IMMP2L: variants seen among roughly 807,000 people sequenced by gnomAD.
The protein encoded by IMMP2L is mitochondrial inner membrane protease subunit 2.
Under a neutral mutation model 19.3 loss-of-function variants are expected in IMMP2L, and 18 were observed. The observed-to-expected ratio is 0.93, with a 90% CI of 0.64 to 1.38. The LOEUF is 1.38. Among genes scored for constraint, IMMP2L ranks in the 40% most tolerant of loss-of-function variants. The pLI, the probability that IMMP2L is intolerant of heterozygous loss-of-function variation, is 0.00. For missense variants in IMMP2L, 233 were observed against 218.2 expected, an observed-to-expected ratio of 1.07 and a Z score of -0.43; for synonymous variants, 76 against 73.0, an observed-to-expected ratio of 1.04 and a Z score of -0.21.
In IMMP2L at chr7:111,213,579, G is replaced by A. The variant is rs1811568028; in HGVS notation, c.240-250014C>T. 6.6e-6 allele frequency among the ~76,000 whole-genome samples: 1 copy of A among 152,124 alleles called. No homozygotes were observed. Among genetic ancestry groups the A allele is most frequent in the African/African-American group, 2.4e-5 (1 of 41,406 alleles). ...CCAGCCCTGCCTATGGCCACCCTTG[G>A]ACAAACTGGTGCACACTTCCTCCCC... On this transcript the variant is annotated intron_variant, in intron 3 of 5. Transcript: ENST00000405709. This position sits in a 1 kb window ranked among gnomAD's most constrained non-coding sequence, Gnocchi z 4.8.
chr7:110,985,063 A>T (rs1821719526), intron 3 of IMMP2L, among the ~76,000 whole-genome samples: 1 of 152,112 alleles, frequency 6.6e-6, no homozygotes, highest in Non-Finnish European at 1.5e-5. Context: ...TTTGTTGCCA[A>T]CTTTGAAGAT....
At chr7:111,207,305 C>T (rs1341693791) in intron 3 of IMMP2L, among the ~76,000 whole-genome samples, 1 of 152,120 alleles carries the variant, frequency 6.6e-6, no homozygotes, top group Non-Finnish European at 1.5e-5. Flanking sequence ...TAACCTATTT[C>T]ATGGGGTCAT....
chr7:111,523,790 G>A (rs1230823469), intron 1 of IMMP2L, among the ~76,000 whole-genome samples: 1 of 151,954 alleles, frequency 6.6e-6, no homozygotes, highest in African/African-American at 2.4e-5. Flanking sequence ...AAACGTGTTT[G>A]GCCCAAGGTA....
intron 2 of IMMP2L, among the ~76,000 whole-genome samples, chr7:111,504,829 G>C (rs1844704394): frequency 6.6e-6 from 1 of 151,972 alleles, no homozygotes; most frequent in African/African-American, 2.4e-5. Context: ...ATTCAAGATG[G>C]ATTAAAGACT....
chr7:111,091,539 T>G (rs1457716535), intron 3 of IMMP2L: 8 of 152,180 alleles, frequency 5.3e-5, no homozygotes, highest in Admixed American at 6.5e-5. Flanking sequence ...TTAAAATACG[T>G]TCTATTTCTT....
chr7:111,034,204 C>T (rs1249237316), intron 3 of IMMP2L, among the ~76,000 whole-genome samples: 1 of 152,062 alleles, frequency 6.6e-6, no homozygotes, highest in East Asian at 1.9e-4. Context: ...GTATTCAATT[C>T]TTCCTTGACA....
intron 5 of IMMP2L, among the ~76,000 whole-genome samples, chr7:110,722,506 T>C (rs1349334485): frequency 4.6e-5 from 7 of 152,022 alleles, no homozygotes; most frequent in Non-Finnish European, 8.8e-5. Context: ...CTAGCTAATA[T>C]TACTATGAAT....
chr7:111,557,058 A>T (rs1791449039), intron 1 of IMMP2L, among the ~76,000 whole-genome samples: 1 of 152,088 alleles, frequency 6.6e-6, no homozygotes, highest in Non-Finnish European at 1.5e-5. Flanking sequence ...TATCTTTTAC[A>T]TTCAAACAGT....
intron 5 of IMMP2L, among the ~76,000 whole-genome samples, chr7:110,777,644 T>C (rs1336739984): frequency 1.3e-5 from 2 of 152,014 alleles, no homozygotes; most frequent in Non-Finnish European, 2.9e-5. Flanking sequence ...TCTATAAATA[T>C]GTTTGGCAGA....
At chr7:110,742,579 T>C (rs947580068) in intron 5 of IMMP2L, among the ~76,000 whole-genome samples, 1 of 151,966 alleles carries the variant, frequency 6.6e-6, no homozygotes, top group African/African-American at 2.4e-5. Flanking sequence ...CCATTCTGGC[T>C]AACACGCTGA....
intron 3 of IMMP2L, among the ~76,000 whole-genome samples, chr7:111,298,736 G>T (rs886138876): frequency 1.4e-5 from 2 of 147,942 alleles, no homozygotes; most frequent in African/African-American, 2.5e-5. Context: ...AGCAGCCTGG[G>T]TGACAGAGCG....
chr7:110,815,405 A>G (rs1384757198), intron 5 of IMMP2L, among the ~76,000 whole-genome samples: 1 of 152,046 alleles, frequency 6.6e-6, no homozygotes, highest in East Asian at 1.9e-4. Context: ...AATGTTCATC[A>G]AGGATATTGG....
intron 3 of IMMP2L, among the ~76,000 whole-genome samples, chr7:111,055,757 G>C (rs1335496677): frequency 6.6e-6 from 1 of 152,178 alleles, no homozygotes; most frequent in Non-Finnish European, 1.5e-5. Context: ...AGGAAATTCA[G>C]GAGAAGGAGC....
chr7:111,019,648 G>A (rs919103523), intron 3 of IMMP2L, among the ~76,000 whole-genome samples: 3 of 152,130 alleles, frequency 2.0e-5, no homozygotes, highest in African/African-American at 7.2e-5. Flanking sequence ...AGGTTGAAAA[G>A]GAACACAAAA....
At chr7:110,772,029 T>C (rs2131026953) in intron 5 of IMMP2L, among the ~76,000 whole-genome samples, 1 of 152,218 alleles carries the variant, frequency 6.6e-6, no homozygotes, top group African/African-American at 2.4e-5. Context: ...GAGGTCTAAC[T>C]CAAAGTAGTG....
intron 5 of IMMP2L, among the ~76,000 whole-genome samples, chr7:110,797,257 T>C (rs1018699315): frequency 4.1e-4 from 63 of 152,098 alleles, no homozygotes; most frequent in African/African-American, 1.3e-3. Context: ...AAAGTCTAAG[T>C]GAAATAAAAA....
intron 5 of IMMP2L, among the ~76,000 whole-genome samples, chr7:110,676,289 T>A (rs1417366609): frequency 6.6e-6 from 1 of 152,236 alleles, no homozygotes; most frequent in Non-Finnish European, 1.5e-5. Flanking sequence ...TTGCAACTAT[T>A]CAACTCTGTA....
At chr7:111,439,780 C>T (rs1837539726) in intron 3 of IMMP2L, among the ~76,000 whole-genome samples, 1 of 151,908 alleles carries the variant, frequency 6.6e-6, no homozygotes, top group Non-Finnish European at 1.5e-5. Flanking sequence ...AAAGATTTCT[C>T]TGTAGCATGC....
At chr7:110,744,946 A>G (rs1415780026) in intron 5 of IMMP2L, among the ~76,000 whole-genome samples, 1 of 152,226 alleles carries the variant, frequency 6.6e-6, no homozygotes, top group Non-Finnish European at 1.5e-5. Context: ...GGTAATAACA[A>G]ACTCCTCTGA....
Sources: gnomAD v4.1 joint callset for allele counts (sites outside exome capture counted in the v4.1 genomes callset) on GRCh38, gnomAD v4.1.1 for gene constraint, Gnocchi (gnomAD v3.1) non-coding constraint, MANE v1.5 for transcripts, NCBI Gene and HGNC (gene_info 2026-07-23, HGNC 2026-07-21) for gene names.